The following SLC30A9 variants were observed in gnomAD, a reference collection of about 807,000 sequenced individuals.
The protein encoded by SLC30A9 is proton-coupled zinc antiporter SLC30A9, mitochondrial.
SLC30A9 carries 58 observed loss-of-function variants against 87.5 expected under a neutral mutation model. The observed-to-expected ratio is 0.66, with a 90% confidence interval of 0.54 to 0.82. SLC30A9 has a LOEUF of 0.82. Among genes scored for constraint, SLC30A9 ranks in the 40% least tolerant of loss-of-function variants. The pLI, the probability that SLC30A9 is intolerant of heterozygous loss-of-function variation, is 0.00. For synonymous variants in SLC30A9, 234 were observed against 233.0 expected (o/e 1.00, Z -0.04); for missense variants, 557 against 679.1 (o/e 0.82, Z 2.00).
intron 1 of SLC30A9, among the ~76,000 whole-genome samples, chr4:41,995,786 C>A (rs142636066): frequency 6.6e-6 from 1 of 152,322 alleles, no homozygotes; most frequent in African/African-American, 2.4e-5. Context: ...CACAGCTCAC[C>A]GCAGCCTTGA....
At chr4:42,066,363 G>T (rs2153140205) in intron 12 of SLC30A9, among the ~76,000 whole-genome samples, 187 bp from the exon 13 acceptor site, 1 of 152,196 alleles carries the variant, frequency 6.6e-6, no homozygotes, top group East Asian at 1.9e-4. Context: ...AATTATTATG[G>T]TTTAGAACTA....
intron 7 of SLC30A9, 63 bp downstream of exon 7, chr4:42,035,396 C>A: frequency 6.4e-7 from 1 of 1,554,988 alleles, no homozygotes; most frequent in Non-Finnish European, 8.7e-7. Flanking sequence ...AATATCAGTC[C>A]ATTGTAAAAT....
intron 2 of SLC30A9, among the ~76,000 whole-genome samples, chr4:42,006,363 G>A (rs1715199523): frequency 6.6e-6 from 1 of 152,124 alleles, no homozygotes; most frequent in Non-Finnish European, 1.5e-5. Flanking sequence ...ATTTCCATAA[G>A]GAAATGATAC....
At chr4:42,032,085 A>T (rs1716467266) in intron 6 of SLC30A9, among the ~76,000 whole-genome samples, 1 of 152,180 alleles carries the variant, frequency 6.6e-6, no homozygotes, top group African/African-American at 2.4e-5. Flanking sequence ...CAAGAGAGAG[A>T]TGGGGGAGGT....
intron 16 of SLC30A9, 24 bp downstream of exon 16, chr4:42,075,810 A>G (rs1718524882): frequency 2.5e-6 from 4 of 1,604,566 alleles, no homozygotes; most frequent in Non-Finnish European, 1.7e-6. Context: ...TTGTTTTCTT[A>G]CATAACTGAG....
At chr4:42,075,867 T>A (rs980535518) in intron 16 of SLC30A9, 81 bp downstream of exon 16, 11 of 1,413,468 alleles carry the variant, frequency 7.8e-6, no homozygotes, top group Middle Eastern at 2.2e-4. Flanking sequence ...TTTTTTTTTA[T>A]AGATCTTAAA....
At chr4:42,035,199 A>AAG in intron 6 of SLC30A9, 76 bp from the exon 7 acceptor site, 1 of 1,430,292 alleles carries the variant, frequency 7.0e-7, no homozygotes, top group Non-Finnish European at 9.7e-7. Flanking sequence ...CATAGTCCTG[A>AAG]AGAGAATATC....
At chr4:42,031,574 C>G (rs984130310) in intron 6 of SLC30A9, among the ~76,000 whole-genome samples, 1 of 152,134 alleles carries the variant, frequency 6.6e-6, no homozygotes, top group Non-Finnish European at 1.5e-5. Flanking sequence ...CAGTACCTAT[C>G]TATAAGATTT....
chr4:42,067,057 C>G, intron 13 of SLC30A9, 28 bp from the exon 14 acceptor site: 2 of 1,388,668 alleles, frequency 1.4e-6, no homozygotes, highest in Non-Finnish European at 2.0e-6. Context: ...TAGAAATTTT[C>G]TTGTCTTGTC....
In SLC30A9 at chr4:42,090,253, T is replaced by C. The variant is rs912901740; in HGVS notation, c.*4127T>C. 4 of 152,234 alleles carry C rather than the reference T, an allele frequency of 2.6e-5. No individual in the cohort carries two copies. The highest frequency in any genetic ancestry group is 9.6e-5 in the African/African-American group (4 of 41,470). 9.4% of individuals were successfully genotyped at this position (152,234 alleles called of 1,614,324 possible). A position where few individuals can be genotyped will look rare whatever the true frequency, so the allele number is the denominator to read the frequency against. On this transcript the variant is annotated 3_prime_UTR_variant, in exon 18 of 18. Transcript: ENST00000264451. Reference sequence around the variant, plus strand: ...CATTTCTTTCTCTGAAATGGAACTTTGGAAGCCATTTATATAGATTAGTCT... The same window carrying C: ...CATTTCTTTCTCTGAAATGGAACTTCGGAAGCCATTTATATAGATTAGTCT...
intron 6 of SLC30A9, among the ~76,000 whole-genome samples, chr4:42,031,697 T>C (rs1169491192): frequency 2.0e-5 from 3 of 152,090 alleles, no homozygotes; most frequent in Admixed American, 6.5e-5. Context: ...TTTTATCCTA[T>C]CCCCCCAAAA....
intron 1 of SLC30A9, among the ~76,000 whole-genome samples, chr4:41,997,061 T>TAAATAAATAAAA (rs1317980186): frequency 6.1e-5 from 9 of 146,572 alleles, no homozygotes; most frequent in South Asian, 4.3e-4. Flanking sequence ...AATAAATAAA[T>TAAATAAATAAAA]AAAAATGAAA....
intron 12 of SLC30A9, among the ~76,000 whole-genome samples, chr4:42,066,118 T>G (rs774637968): frequency 7.9e-5 from 12 of 152,226 alleles, no homozygotes; most frequent in Non-Finnish European, 4.4e-5. Context: ...TTCTGAAACA[T>G]TGTAACTTTC....
Position 42,023,349 on chromosome 4 carries a change from A to C in SLC30A9, c.575A>C (p.Lys192Thr). The part of the protein sequence containing the change: ...GSPEALAREK[K>T]LRKEAEIEYR... ...CCTGAAGCTCTTGCCAGAGAGAAAA[A>C]ATTGCGTAAGGAAGCAGAAATAGAA... Residue 192 changes from lysine to threonine, a missense_variant, in exon 6 of 18, where the codon AAA (lysine) becomes ACA (threonine). Physicochemically the swap from Lys to Thr is moderately conservative, Grantham distance 78 (BLOSUM62 -1). This residue lies in a region of SLC30A9 where 467 missense variants were observed against 529.8 expected (regional missense o/e 0.88). Transcript: ENST00000264451. 6.2e-7 allele frequency: 1 copy of C among 1,613,458 alleles called. No individual in the cohort carries two copies. Among genetic ancestry groups the C allele is most frequent in the Non-Finnish European group, 8.5e-7 (1 of 1,179,362 alleles).
intron 9 of SLC30A9, among the ~76,000 whole-genome samples, chr4:42,054,366 A>G (rs1181306239): frequency 1.3e-5 from 2 of 152,182 alleles, no homozygotes; most frequent in African/African-American, 2.4e-5. Context: ...AAACAAAAAC[A>G]AAAACAAAAC....
chr4:42,083,382 A>T (rs1244790270), intron 17 of SLC30A9, among the ~76,000 whole-genome samples: 2 of 152,220 alleles, frequency 1.3e-5, no homozygotes, highest in African/African-American at 4.8e-5. Flanking sequence ...AAAATTTTAA[A>T]TTGGATACCA....
At chr4:41,997,033 CAAATAAAT>C (rs71650957) in intron 1 of SLC30A9, among the ~76,000 whole-genome samples, 12 of 140,920 alleles carry the variant, frequency 8.5e-5, no homozygotes, top group East Asian at 2.1e-4. Context: ...GACTCCATCT[CAAATAAAT>C]AAATAAATAA....
intron 2 of SLC30A9, among the ~76,000 whole-genome samples, chr4:42,004,265 A>G (rs1286121555): frequency 1.3e-5 from 2 of 152,154 alleles, no homozygotes; most frequent in Non-Finnish European, 2.9e-5. Context: ...TTTGGTATAA[A>G]TGGCAGTTTT....
At chr4:42,000,945 G>T (rs912500590) in intron 1 of SLC30A9, among the ~76,000 whole-genome samples, 1 of 152,040 alleles carries the variant, frequency 6.6e-6, no homozygotes, top group African/African-American at 2.4e-5. Context: ...GAGAAGGAGG[G>T]TCACAGGAAA....
Sources: allele counts gnomAD v4.1 joint callset (sites outside exome capture counted in the v4.1 genomes callset), GRCh38; gene constraint gnomAD v4.1.1; regional missense constraint gnomAD v4.1.1; transcripts MANE v1.5; gene names NCBI Gene and HGNC (gene_info 2026-07-23, HGNC 2026-07-21).